Variants in SLC35F3 observed in about 807,000 individuals in gnomAD.
The protein encoded by SLC35F3 is solute carrier family 35 member F3.
A neutral mutation model predicts 49.9 loss-of-function variants in SLC35F3; 25 were observed. The ratio of observed to expected loss-of-function variants is 0.50; its 90% CI spans 0.37 to 0.70. The LOEUF is 0.70. SLC35F3 is among the 30% of genes least tolerant of loss of function. The probability of loss-of-function intolerance (pLI) is 0.00; values close to 1 mark genes in which losing one functional copy is unlikely to be tolerated. For synonymous variants in SLC35F3, 275 were observed against 265.4 expected (o/e 1.04, Z -0.35); for missense variants, 525 against 639.8 (o/e 0.82, Z 1.94).
intron 3 of SLC35F3, among the ~76,000 whole-genome samples, chr1:234,298,547 A>G (rs528292853): frequency 6.6e-6 from 1 of 152,234 alleles, no homozygotes; most frequent in Admixed American, 6.5e-5. Context: ...CCTCGGACAC[A>G]TTTTCAGAGA....
intron 3 of SLC35F3, among the ~76,000 whole-genome samples, chr1:234,269,532 C>T (rs1435175261): frequency 2.0e-5 from 3 of 152,152 alleles, no homozygotes. Context: ...TGCTGCCCTC[C>T]CTTTACATTC....
In SLC35F3 at chr1:234,101,667, C is replaced by A. The variant is rs538627601; in HGVS notation, c.284-129750C>A. Among the ~76,000 whole-genome samples, 13 of 152,328 alleles carry A rather than the reference C, an allele frequency of 8.5e-5. No individual in the cohort carries two copies. The East Asian group carries it at 2.5e-3, about 29-fold the overall frequency. ...ATAGCACTTACAGCACTTTTCTAGACCTTTCTATACCCAAGAATTCCCAGG... is the reference window on the plus strand; with the variant it reads ...ATAGCACTTACAGCACTTTTCTAGAACTTTCTATACCCAAGAATTCCCAGG... On this transcript the variant is annotated intron_variant, in intron 2 of 7. Transcript: ENST00000366618.
intron 2 of SLC35F3, among the ~76,000 whole-genome samples, chr1:234,191,960 T>C (rs1176230608): frequency 3.3e-5 from 5 of 151,854 alleles, no homozygotes; most frequent in African/African-American, 1.2e-4. Context: ...CAAATAATAA[T>C]TTAAAAATTA....
chr1:234,313,101 T>C (rs1657400296), intron 4 of SLC35F3, among the ~76,000 whole-genome samples: 1 of 152,138 alleles, frequency 6.6e-6, no homozygotes, highest in Non-Finnish European at 1.5e-5. Context: ...GGTCTTGAAC[T>C]TGTGGGCCCA....
chr1:234,205,537 A>G (rs1043468923), intron 2 of SLC35F3, among the ~76,000 whole-genome samples: 1 of 152,226 alleles, frequency 6.6e-6, no homozygotes, highest in Non-Finnish European at 1.5e-5. Context: ...CACTTGGAGA[A>G]TCTAGGCTTG....
At chr1:234,156,157 T>TA (rs1036353288) in intron 2 of SLC35F3, among the ~76,000 whole-genome samples, 7 of 152,046 alleles carry the variant, frequency 4.6e-5, no homozygotes, top group Non-Finnish European at 8.8e-5. Context: ...ATGTCATGGA[T>TA]AAAAAAAATT....
chr1:233,948,940 C>T (rs1325996838), intron 2 of SLC35F3, among the ~76,000 whole-genome samples: 1 of 152,150 alleles, frequency 6.6e-6, no homozygotes, highest in East Asian at 1.9e-4. Flanking sequence ...TCCCTCACAG[C>T]CTTACAGGGG....
chr1:234,129,145 T>C (rs957520049), intron 2 of SLC35F3, among the ~76,000 whole-genome samples: 5 of 152,178 alleles, frequency 3.3e-5, no homozygotes, highest in Admixed American at 6.5e-5. Context: ...GAAGAAGATA[T>C]TTAAAATACA....
At chr1:233,983,315 C>T (rs1057006087) in intron 2 of SLC35F3, among the ~76,000 whole-genome samples, 2 of 152,186 alleles carry the variant, frequency 1.3e-5, no homozygotes, top group Admixed American at 6.5e-5. Flanking sequence ...CACAATCCTT[C>T]ATCGAGCTCG....
intron 2 of SLC35F3, among the ~76,000 whole-genome samples, chr1:233,983,183 C>T (rs1663213216): frequency 6.6e-6 from 1 of 151,286 alleles, no homozygotes; most frequent in Non-Finnish European, 1.5e-5. Flanking sequence ...TGCCGCCCTC[C>T]CTCTCTATCT....
intron 2 of SLC35F3, among the ~76,000 whole-genome samples, chr1:233,990,956 A>G (rs1663346532): frequency 6.6e-6 from 1 of 152,188 alleles, no homozygotes. Context: ...CCCTTATGTA[A>G]TAGAAGGGAA....
Position 234,270,143 on chromosome 1 carries a change from C to T in SLC35F3, c.608+38402C>T, listed in dbSNP as rs1009863141. On this transcript the variant is annotated intron_variant, in intron 3 of 7. Coordinates refer to ENST00000366618, the MANE Select transcript of SLC35F3 (RefSeq NM_173508.4). The stretch of plus-strand genomic sequence containing the variant: ...GAGTTACAAGGATTAAAAATTCTCA[C>T]TAATACATGAAGACTAATACCTCCT... Among the ~76,000 whole-genome samples the T allele has an allele frequency of 9.2e-5, 14 of 152,360 alleles. No individual in the cohort carries two copies. In the South Asian group the frequency reaches 2.9e-3, roughly 32 times the overall value.
At chr1:234,152,250 T>TATTATA (rs1666087703) in intron 2 of SLC35F3, among the ~76,000 whole-genome samples, 2 of 150,594 alleles carry the variant, frequency 1.3e-5, no homozygotes, top group Admixed American at 6.6e-5. Flanking sequence ...TTATTATTAT[T>TATTATA]ATACTTTAAA....
At position 233,986,025 on chromosome 1, in the gene SLC35F3, T is replaced by C. The variant is rs1322016575; in HGVS notation, c.283+80267T>C. Among the ~76,000 whole-genome samples the C allele has an allele frequency of 2.0e-5, 3 of 152,220 alleles. No individual in the cohort carries two copies. In the East Asian group the frequency reaches 5.8e-4, roughly 29 times the overall value. The stretch of plus-strand genomic sequence containing the variant: ...GCTGTGCACCCTTGAGCAACTTACT[T>C]AAGGTCTTTGGACCTTAGTACCCTG... On this transcript the variant is annotated intron_variant, in intron 2 of 7. Transcript: ENST00000366618.
At chr1:234,112,901 T>C (rs1665430600) in intron 2 of SLC35F3, among the ~76,000 whole-genome samples, 1 of 150,952 alleles carries the variant, frequency 6.6e-6, no homozygotes, top group South Asian at 2.1e-4. Context: ...AATGACCGGT[T>C]TCAGAAATAA....
intron 2 of SLC35F3, among the ~76,000 whole-genome samples, chr1:234,008,174 A>G (rs1293671943): frequency 2.6e-5 from 4 of 152,194 alleles, no homozygotes; most frequent in Non-Finnish European, 5.9e-5. Flanking sequence ...TCTTCTAAAA[A>G]GAGTTTCAGC....
intron 2 of SLC35F3, among the ~76,000 whole-genome samples, chr1:234,147,107 TAG>T (rs1666008745): frequency 6.6e-6 from 1 of 152,224 alleles, no homozygotes; most frequent in African/African-American, 2.4e-5. Flanking sequence ...GAAGAGACTT[TAG>T]AATTTTCACT....
At chr1:234,161,709 G>T (rs922234717) in intron 2 of SLC35F3, among the ~76,000 whole-genome samples, 5 of 152,204 alleles carry the variant, frequency 3.3e-5, no homozygotes, top group Non-Finnish European at 7.3e-5. Flanking sequence ...AGGAGGCTGA[G>T]GTGGGAGGAT....
At chr1:233,968,957 C>T (rs1426774164) in intron 2 of SLC35F3, among the ~76,000 whole-genome samples, 2 of 151,934 alleles carry the variant, frequency 1.3e-5, no homozygotes, top group Admixed American at 6.6e-5. Flanking sequence ...ATTAATTGGC[C>T]TCTAGCTGCA....
Sources: gnomAD v4.1 joint callset for allele counts (sites outside exome capture counted in the v4.1 genomes callset) on GRCh38, gnomAD v4.1.1 for gene constraint, MANE v1.5 for transcripts, NCBI Gene and HGNC (gene_info 2026-07-23, HGNC 2026-07-21) for gene names.